The following PPP1R12A variants were observed in gnomAD, a reference collection of about 807,000 sequenced individuals.
PPP1R12A encodes the protein myosin binding subunit.
PPP1R12A carries 19 observed loss-of-function variants against 139.6 expected under a neutral mutation model. The ratio of observed to expected loss-of-function variants is 0.14; its 90% confidence interval spans 0.09 to 0.20. The LOEUF is 0.20. Among genes scored for constraint, PPP1R12A ranks in the 10% least tolerant of loss-of-function variants. The pLI, the probability that PPP1R12A is intolerant of heterozygous loss-of-function variation, is 1.00. For synonymous variants in PPP1R12A, 427 were observed against 420.6 expected (o/e 1.02, Z -0.19); for missense variants, 925 against 1,211.5 (o/e 0.76, Z 3.51).
intron 9 of PPP1R12A, among the ~76,000 whole-genome samples, chr12:79,811,121 T>G (rs545290361): frequency 6.6e-6 from 1 of 152,316 alleles, no homozygotes; most frequent in African/African-American, 2.4e-5. Flanking sequence ...AACTAACTAG[T>G]TGCCACAAGC....
At chr12:79,892,713 G>A (rs147234133) in intron 1 of PPP1R12A, among the ~76,000 whole-genome samples, 3 of 152,034 alleles carry the variant, frequency 2.0e-5, no homozygotes, top group African/African-American at 7.3e-5. Flanking sequence ...ACAACTGTCA[G>A]TATGGAGCCC....
intron 2 of PPP1R12A, among the ~76,000 whole-genome samples, chr12:79,860,085 C>T (rs1311506394): frequency 2.0e-5 from 3 of 152,170 alleles, no homozygotes; most frequent in Admixed American, 1.3e-4. Flanking sequence ...GGGCTAATTT[C>T]CCTCTTAGAT....
At chr12:79,932,726 A>C (rs1888344064) in intron 1 of PPP1R12A, among the ~76,000 whole-genome samples, 1 of 152,192 alleles carries the variant, frequency 6.6e-6, no homozygotes, top group Non-Finnish European at 1.5e-5. Flanking sequence ...TAACGTGTGA[A>C]TATTGAGAGG....
At chr12:79,872,421 C>G (rs1882671328) in intron 2 of PPP1R12A, among the ~76,000 whole-genome samples, 1 of 152,078 alleles carries the variant, frequency 6.6e-6, no homozygotes, top group South Asian at 2.1e-4. Flanking sequence ...CACTGGAGAA[C>G]TATGTATCAT....
chr12:79,811,733 CTTTT>C (rs772786393), intron 9 of PPP1R12A, among the ~76,000 whole-genome samples: 19 of 151,998 alleles, frequency 1.3e-4, no homozygotes, highest in Non-Finnish European at 2.6e-4. Flanking sequence ...GGGACAATGA[CTTTT>C]TTTTATTTTT....
intron 22 of PPP1R12A, among the ~76,000 whole-genome samples, chr12:79,785,628 T>C (rs951147431): frequency 1.3e-5 from 2 of 152,190 alleles, no homozygotes; most frequent in African/African-American, 2.4e-5. Flanking sequence ...ATTGAACACA[T>C]TTGTTTTCTT....
intron 3 of PPP1R12A, among the ~76,000 whole-genome samples, chr12:79,838,204 T>G (rs867145021): frequency 6.6e-6 from 1 of 152,230 alleles, no homozygotes; most frequent in Non-Finnish European, 1.5e-5. Context: ...ACTCTTTTTA[T>G]GCTTTGGCAA....
At chr12:79,924,163 C>G (rs1887656543) in intron 1 of PPP1R12A, among the ~76,000 whole-genome samples, 2 of 152,064 alleles carry the variant, frequency 1.3e-5, no homozygotes, top group South Asian at 2.1e-4. Context: ...ATGGAAAACA[C>G]TGAGAAGATC....
chr12:79,871,533 G>C (rs1167714202), intron 2 of PPP1R12A, among the ~76,000 whole-genome samples: 1 of 152,132 alleles, frequency 6.6e-6, no homozygotes, highest in African/African-American at 2.4e-5. Context: ...ACAAACCTAG[G>C]AAATACTACT....
chr12:79,856,473 A>C (rs1880669809), intron 2 of PPP1R12A, among the ~76,000 whole-genome samples: 1 of 152,246 alleles, frequency 6.6e-6, no homozygotes, highest in Admixed American at 6.5e-5. Flanking sequence ...TCCATCCTTT[A>C]GTGAAGACTA....
chr12:79,855,145 C>T (rs368238806), intron 2 of PPP1R12A, among the ~76,000 whole-genome samples: 3 of 152,084 alleles, frequency 2.0e-5, no homozygotes, highest in South Asian at 2.1e-4. Flanking sequence ...CCTGCCACCA[C>T]GCCCGGCTAA....
intron 2 of PPP1R12A, chr12:79,848,652 T>G (rs1317336922): frequency 6.6e-6 from 1 of 152,164 alleles, no homozygotes; most frequent in Non-Finnish European, 1.5e-5. Context: ...TATGTACATA[T>G]GTATGTATGT....
intron 1 of PPP1R12A, among the ~76,000 whole-genome samples, chr12:79,895,932 T>C (rs373053126): frequency 2.2e-4 from 33 of 152,292 alleles, no homozygotes; most frequent in African/African-American, 7.7e-4. Flanking sequence ...GTAGCCTAAG[T>C]AAGAGCAAGG....
At chr12:79,928,274 A>G (rs1428328613) in intron 1 of PPP1R12A, among the ~76,000 whole-genome samples, 2 of 152,204 alleles carry the variant, frequency 1.3e-5, no homozygotes, top group African/African-American at 4.8e-5. Context: ...ATGACACCTC[A>G]AAGTCAGACC....
chr12:79,776,543 T>A (rs1284980221), intron 24 of PPP1R12A, among the ~76,000 whole-genome samples: 6 of 152,106 alleles, frequency 3.9e-5, no homozygotes, highest in Non-Finnish European at 8.8e-5. Context: ...CTAAACAATG[T>A]CCGATCCCAG....
chr12:79,879,623 G>A (rs1293015263), intron 1 of PPP1R12A, among the ~76,000 whole-genome samples: 7 of 152,010 alleles, frequency 4.6e-5, no homozygotes, highest in African/African-American at 9.7e-5. Flanking sequence ...AGTAAAGAAG[G>A]CAGGTACAAA....
intron 12 of PPP1R12A, 36 bp downstream of exon 12, chr12:79,807,190 G>T: frequency 8.5e-7 from 1 of 1,175,214 alleles, no homozygotes; most frequent in South Asian, 1.5e-5. Context: ...TTTTATAAAT[G>T]AATACATAAA....
chr12:79,922,404 C>A (rs1158731344), intron 1 of PPP1R12A, among the ~76,000 whole-genome samples: 1 of 152,134 alleles, frequency 6.6e-6, no homozygotes, highest in African/African-American at 2.4e-5. Context: ...ATACTAGAAA[C>A]TTTATTAAAA....
At chr12:79,892,717 G>A (rs1884769224) in intron 1 of PPP1R12A, among the ~76,000 whole-genome samples, 1 of 152,008 alleles carries the variant, frequency 6.6e-6, no homozygotes, top group Non-Finnish European at 1.5e-5. Context: ...CTGTCAGTAT[G>A]GAGCCCTTCT....
Sources: allele counts gnomAD v4.1 joint callset (sites outside exome capture counted in the v4.1 genomes callset), GRCh38; gene constraint gnomAD v4.1.1; transcripts MANE v1.5; gene names NCBI Gene and HGNC (gene_info 2026-07-23, HGNC 2026-07-21).